ARG2: variants seen among roughly 807,000 people sequenced by gnomAD.
The protein encoded by ARG2 is arginase 2.
A neutral mutation model predicts 39.4 loss-of-function variants in ARG2; 21 were observed. The ratio of observed to expected loss-of-function variants is 0.53; its 90% CI spans 0.38 to 0.77. The LOEUF is 0.77. Among genes scored for constraint, ARG2 ranks in the 30% least tolerant of loss-of-function variants. ARG2 has a pLI of 0.00. For missense variants in ARG2, 378 were observed against 426.2 expected (o/e 0.89, Z 1.00); for synonymous variants, 150 against 156.7 (o/e 0.96, Z 0.32).
At chr14:67,622,778 C>G (rs1053259339) in intron 2 of ARG2, among the ~76,000 whole-genome samples, 1 of 152,260 alleles carries the variant, frequency 6.6e-6, no homozygotes, top group Non-Finnish European at 1.5e-5. Flanking sequence ...TCAAATTGCT[C>G]TACCGTCTGT....
rs1268566409 is a variant in ARG2, at chr14:67,650,841, G to T, written c.986G>T (p.Gly329Val). The change falls in exon 8 of 8, where the codon GGA becomes GTA. Residue 329 changes from glycine to valine, a missense_variant. Gly to Val is a moderately radical substitution (Grantham distance 109, BLOSUM62 -3). Transcript: ENST00000261783. ...TCAAGCTTTGGTCAGACAAGAGAAG[G>T]AGGGCATATTGTCTATGACCAACTT... ...IASSFGQTREGGHIVYDQLPT... is the reference protein window; with the variant it reads ...IASSFGQTREVGHIVYDQLPT... 1.2e-6 allele frequency: 2 copies of T among 1,614,154 alleles called. No homozygotes were observed. Among genetic ancestry groups the T allele is most frequent in the Admixed American group, 3.3e-5 (2 of 60,028 alleles).
chr14:67,638,290 A>G (rs1205938457), intron 2 of ARG2, among the ~76,000 whole-genome samples: 1 of 152,104 alleles, frequency 6.6e-6, no homozygotes, highest in Non-Finnish European at 1.5e-5. Context: ...TTAGAAGGCC[A>G]TGATGGGAGC....
intron 2 of ARG2, among the ~76,000 whole-genome samples, chr14:67,639,538 T>G (rs2037007780): frequency 6.6e-6 from 1 of 152,136 alleles, no homozygotes; most frequent in Non-Finnish European, 1.5e-5. Flanking sequence ...TTACATCTAG[T>G]AAGAACCTAA....
chr14:67,642,159 A>G lies in ARG2; in HGVS notation c.185-27A>G, dbSNP rs774644605. ...GAGTTGGAGATAGCACAGAAAATTC[A>G]TCTTGTCATCCCTCATTTGCTTCCA... On this transcript the variant is annotated intron_variant, in intron 2 of 7. Transcript: ENST00000261783. The G allele has an allele frequency of 1.9e-6, 3 of 1,608,958 alleles. No homozygotes were observed. The Admixed American group carries it at 5.0e-5, about 27-fold the overall frequency.
At chr14:67,621,688 G>A (rs942973982) in intron 2 of ARG2, among the ~76,000 whole-genome samples, 2 of 150,996 alleles carry the variant, frequency 1.3e-5, no homozygotes, top group East Asian at 2.0e-4. Context: ...CAGGTGATCC[G>A]CCCACCTCAG....
chr14:67,621,004 G>T (rs1566793102), intron 2 of ARG2, 38 bp downstream of exon 2: 3 of 1,580,718 alleles, frequency 1.9e-6, no homozygotes, highest in Non-Finnish European at 8.7e-7. Context: ...TGCAGGACTA[G>T]TAATAGACCA....
intron 3 of ARG2, among the ~76,000 whole-genome samples, chr14:67,643,196 T>C (rs975667682): frequency 6.6e-6 from 1 of 152,220 alleles, no homozygotes; most frequent in Non-Finnish European, 1.5e-5. Context: ...ATGTACTTTA[T>C]TGAGCACTGT....
chr14:67,647,146 A>G lies in ARG2; in HGVS notation c.722+121A>G, dbSNP rs2037111510. On this transcript the variant is annotated intron_variant, in intron 6 of 7. Coordinates refer to ENST00000261783, the MANE Select transcript of ARG2 (RefSeq NM_001172.4). ...AGCAAAAACATACACATAATTTTAA[A>G]TAGTTCAGAAAGGCAAAATTTGAAA... The G allele has an allele frequency of 8.6e-6, 6 of 697,174 alleles. No individual in the cohort carries two copies. The Admixed American group carries it at 1.7e-4, about 20-fold the overall frequency. 43.2% of individuals were successfully genotyped at this position (697,174 alleles called of 1,614,324 possible).
chr14:67,639,924 CAAA>C (rs5809358), intron 2 of ARG2, among the ~76,000 whole-genome samples: 6 of 61,832 alleles, frequency 9.7e-5, no homozygotes, highest in African/African-American at 3.4e-4. Flanking sequence ...GACCCTGTCT[CAAA>C]AAAAAAAAAA....
At chr14:67,626,180 G>A (rs989881519) in intron 2 of ARG2, among the ~76,000 whole-genome samples, 2 of 152,068 alleles carry the variant, frequency 1.3e-5, no homozygotes, top group African/African-American at 4.8e-5. Flanking sequence ...CTTGAACCTA[G>A]GAGGTGGAGG....
At chr14:67,623,533 C>CTTTT in intron 2 of ARG2, among the ~76,000 whole-genome samples, 1 of 120,088 alleles carries the variant, frequency 8.3e-6, no homozygotes, top group African/African-American at 3.5e-5. Context: ...TCTCAGGTAA[C>CTTTT]CTTTTTTTTT....
chr14:67,624,978 G>A (rs2036848039), intron 2 of ARG2, among the ~76,000 whole-genome samples: 1 of 152,142 alleles, frequency 6.6e-6, no homozygotes, highest in Non-Finnish European at 1.5e-5. Context: ...GGCAGTTACT[G>A]CAAAAGGGAG....
chr14:67,622,194 C>T (rs2036817763), intron 2 of ARG2, among the ~76,000 whole-genome samples: 1 of 152,200 alleles, frequency 6.6e-6, no homozygotes, highest in Non-Finnish European at 1.5e-5. Flanking sequence ...ATGTTTGGAT[C>T]ATTCACATAT....
chr14:67,648,405 A>G (rs2037129184), intron 7 of ARG2: 1 of 401,804 alleles, frequency 2.5e-6, no homozygotes, highest in Admixed American at 4.3e-5. Context: ...GGTAATAATG[A>G]GTAAAAAATT....
chr14:67,643,794 T>C (rs533130194), intron 3 of ARG2, among the ~76,000 whole-genome samples: 7 of 137,224 alleles, frequency 5.1e-5, no homozygotes, highest in Non-Finnish European at 1.1e-4. Context: ...TTCAGATCAC[T>C]GAACAGAAAT....
At chr14:67,643,750 G>A (rs1481630848) in intron 3 of ARG2, among the ~76,000 whole-genome samples, 2 of 149,906 alleles carry the variant, frequency 1.3e-5, no homozygotes, top group African/African-American at 2.5e-5. Flanking sequence ...TGACTCTTCT[G>A]GTGATTATTT....
rs201273403 is a variant in ARG2 at position 67,650,685 on chromosome 14, C to T, written c.860-30C>T. The T allele has an allele frequency of 1.2e-5, 20 of 1,607,444 alleles. No individual in the cohort carries two copies. In the East Asian group the frequency reaches 3.6e-4, roughly 29 times the overall value. ...TCACTGAGAGTAGCAGCAAGGGAAC[C>T]TGAGGTTTTGTCACACTTTGTTCTT... is the stretch of plus-strand genomic sequence containing the variant. On this transcript the variant is annotated intron_variant, in intron 7 of 7. Coordinates refer to ENST00000261783, the MANE Select transcript of ARG2 (RefSeq NM_001172.4).
intron 2 of ARG2, among the ~76,000 whole-genome samples, chr14:67,625,735 C>CT (rs1491181824): frequency 8.6e-6 from 1 of 115,964 alleles, no homozygotes; most frequent in East Asian, 2.9e-4. Context: ...TAATGAAAAA[C>CT]CAAAAAAAAA....
chr14:67,641,537 A>C (rs982335040), intron 2 of ARG2, among the ~76,000 whole-genome samples: 1 of 152,222 alleles, frequency 6.6e-6, no homozygotes, highest in African/African-American at 2.4e-5. Flanking sequence ...CTTAAATAAG[A>C]ATTTATGTTA....
Sources: gnomAD v4.1 joint callset for allele counts (sites outside exome capture counted in the v4.1 genomes callset) on GRCh38, gnomAD v4.1.1 for gene constraint, MANE v1.5 for transcripts, NCBI Gene and HGNC (gene_info 2026-07-23, HGNC 2026-07-21) for gene names.